The following SUSD4 variants were observed in gnomAD, a reference collection of about 807,000 sequenced individuals.
SUSD4 encodes the protein sushi domain containing 4.
A neutral mutation model predicts 50.5 loss-of-function variants in SUSD4; 41 were observed. The ratio of observed to expected loss-of-function variants is 0.81; its 90% CI spans 0.63 to 1.05. SUSD4 has a LOEUF of 1.05. Ranked by LOEUF, SUSD4 falls within the 50% of genes least tolerant of loss-of-function variation. The pLI is 0.00. For synonymous variants in SUSD4, 257 were observed against 257.3 expected (o/e 1.00, Z 0.01); for missense variants, 580 against 634.7 (o/e 0.91, Z 0.93).
intron 3 of SUSD4, among the ~76,000 whole-genome samples, chr1:223,279,692 A>T (rs1028777960): frequency 3.4e-4 from 52 of 152,336 alleles, no homozygotes; most frequent in Admixed American, 2.0e-3. Flanking sequence ...GAACTTCCCC[A>T]TTCTAGCAAG....
rs916390610 is a variant in SUSD4 at position 223,223,128 on chromosome 1, G to A, written c.1444+121C>T. On this transcript the variant is annotated intron_variant, in intron 8 of 8. Transcript: ENST00000366878. Reference sequence around the variant, plus strand: ...ATGAAGCAATTTAAGCTGAGTGAGAGGTAAACAGATTGATTCGACTCTGTG... The same window carrying A: ...ATGAAGCAATTTAAGCTGAGTGAGAAGTAAACAGATTGATTCGACTCTGTG... The A allele has an allele frequency of 3.6e-6, 5 of 1,380,298 alleles. No individual in the cohort carries two copies. The East Asian group carries it at 1.2e-4, about 34-fold the overall frequency. 85.5% of individuals were successfully genotyped at this position (1,380,298 alleles called of 1,614,324 possible).
chr1:223,265,678 C>T (rs1018287217), intron 4 of SUSD4, among the ~76,000 whole-genome samples: 4 of 152,192 alleles, frequency 2.6e-5, no homozygotes, highest in Admixed American at 2.6e-4. Context: ...AAACACTAAG[C>T]AGCCTGTTTG....
In SUSD4 at chr1:223,347,596, T is replaced by C. The variant is rs528011036; in HGVS notation, c.148+15682A>G. The stretch of plus-strand genomic sequence containing the variant: ...ACTATTGGGGGATCAGTAGATCCCC[T>C]ATAGAAGCTGACATAGAGTGCCTTA... On this transcript the variant is annotated intron_variant, in intron 2 of 8. Coordinates refer to ENST00000366878, the MANE Select transcript of SUSD4 (RefSeq NM_017982.4). Among the ~76,000 whole-genome samples, 8 of 152,164 alleles carry C rather than the reference T, an allele frequency of 5.3e-5. No individual in the cohort carries two copies. In the South Asian group the frequency reaches 1.7e-3, roughly 32 times the overall value.
chr1:223,353,052 G>A (rs1668453869), intron 2 of SUSD4, among the ~76,000 whole-genome samples: 1 of 152,144 alleles, frequency 6.6e-6, no homozygotes, highest in Admixed American at 6.5e-5. Context: ...CACACAAAAG[G>A]AGCTGACCGG....
intron 3 of SUSD4, among the ~76,000 whole-genome samples, chr1:223,281,938 G>A (rs915628881): frequency 9.9e-5 from 15 of 152,160 alleles, no homozygotes; most frequent in East Asian, 9.7e-4. Context: ...TTCAACATAC[G>A]CAAATCAATA....
At chr1:223,246,208 C>G (rs967537797) in intron 5 of SUSD4, among the ~76,000 whole-genome samples, 2 of 152,096 alleles carry the variant, frequency 1.3e-5, no homozygotes, top group Admixed American at 1.3e-4. Flanking sequence ...ATCATGGAAG[C>G]CGCGAGGGGA....
intron 5 of SUSD4, among the ~76,000 whole-genome samples, chr1:223,245,509 C>T (rs1220833369): frequency 1.3e-5 from 2 of 151,982 alleles, no homozygotes. Context: ...GTGCAGGAGA[C>T]AGAGGGCTAC....
intron 5 of SUSD4, among the ~76,000 whole-genome samples, chr1:223,259,470 T>G (rs1244313457): frequency 1.3e-5 from 2 of 152,220 alleles, no homozygotes; most frequent in African/African-American, 4.8e-5. Context: ...CTTCTGACCC[T>G]TGCAACCTGT....
intron 5 of SUSD4, among the ~76,000 whole-genome samples, chr1:223,255,713 C>A (rs1661639633): frequency 6.6e-6 from 1 of 152,174 alleles, no homozygotes; most frequent in African/African-American, 2.4e-5. Flanking sequence ...AGCCCTCCCT[C>A]TACTGTCCCA....
chr1:223,279,745 A>G (rs566264232), intron 3 of SUSD4, among the ~76,000 whole-genome samples: 2 of 152,308 alleles, frequency 1.3e-5, no homozygotes, highest in East Asian at 3.9e-4. Context: ...GAATGCCACA[A>G]AGATACTCCT....
rs919895469 is a variant in SUSD4 at position 223,346,334 on chromosome 1, T to C, written c.148+16944A>G. On this transcript the variant is annotated intron_variant, in intron 2 of 8. Transcript: ENST00000366878. ...TGAGGAATCAATAAGAAGAAAATAG[T>C]TTTCAAAGATTAGGAAATTCATTTT... is the stretch of plus-strand genomic sequence containing the variant. 6.6e-5 allele frequency among the ~76,000 whole-genome samples: 10 copies of C among 152,194 alleles called. No individual in the cohort carries two copies. In the South Asian group the frequency reaches 1.0e-3, roughly 16 times the overall value.
intron 3 of SUSD4, among the ~76,000 whole-genome samples, chr1:223,269,014 G>A (rs1033072688): frequency 6.6e-6 from 1 of 152,204 alleles, no homozygotes; most frequent in Non-Finnish European, 1.5e-5. Context: ...GGATTAGCCT[G>A]AACTACCTGG....
chr1:223,237,505 C>T (rs1043552831), intron 5 of SUSD4, among the ~76,000 whole-genome samples: 22 of 151,910 alleles, frequency 1.4e-4, no homozygotes, highest in Non-Finnish European at 2.7e-4. Context: ...ATTCTTTATA[C>T]GGTTGAGGAT....
At chr1:223,245,189 A>G (rs1660834928) in intron 5 of SUSD4, among the ~76,000 whole-genome samples, 1 of 151,724 alleles carries the variant, frequency 6.6e-6, no homozygotes, top group African/African-American at 2.4e-5. Context: ...CAATTTGACT[A>G]CAGTTGAATC....
rs1330062347 is a variant in SUSD4, at chr1:223,227,758, G to T, written c.917-20C>A. ...TTTGCTCTGCATGAGGGAGAACAAA[G>T]CTGTACGTGAGGCTCCCAGACCATG... On this transcript the variant is annotated intron_variant, in intron 6 of 8. Coordinates refer to ENST00000366878, the MANE Select transcript of SUSD4 (RefSeq NM_017982.4). The surrounding 1 kb of genome is among the most constrained non-coding windows in gnomAD (Gnocchi z 4.5). The T allele has an allele frequency of 4.4e-6, 7 of 1,596,602 alleles. No homozygotes were observed. In the East Asian group the frequency reaches 1.4e-4, roughly 31 times the overall value.
Position 223,227,605 on chromosome 1 carries a change from GTGGGCCT to G in SUSD4, c.1043_1049del (p.Lys348ThrfsTer20), listed in dbSNP as rs1488176719. On this transcript the variant is annotated frameshift_variant, in exon 7 of 9. Transcript: ENST00000366878. LOFTEE classifies it high-confidence loss of function. This position sits in a 1 kb window ranked among gnomAD's most constrained non-coding sequence, Gnocchi z 4.5. Reference sequence around the variant, plus strand: ...GACATGACACTGACCTGGGGGGAAAGTGGGCCTTGAACTTGGTCTGGAACATCCTGGC... The same window carrying G: ...GACATGACACTGACCTGGGGGGAAAGTGAACTTGGTCTGGAACATCCTGGC... 1 of 1,613,840 alleles carries G rather than the reference GTGGGCCT, an allele frequency of 6.2e-7. No individual in the cohort carries two copies. The highest frequency in any genetic ancestry group is 1.1e-5 in the South Asian group (1 of 90,990).
intron 2 of SUSD4, among the ~76,000 whole-genome samples, chr1:223,305,100 C>G (rs530247876): frequency 6.6e-6 from 1 of 151,984 alleles, no homozygotes; most frequent in East Asian, 1.9e-4. Context: ...AGCTATGAAA[C>G]AGTTGATGGT....
chr1:223,227,770 G>C lies in SUSD4; in HGVS notation c.917-32C>G. The C allele has an allele frequency of 6.3e-7, 1 of 1,581,126 alleles. No homozygotes were observed. Among genetic ancestry groups the C allele is most frequent in the Non-Finnish European group, 8.6e-7 (1 of 1,159,056 alleles). On this transcript the variant is annotated intron_variant, in intron 6 of 8. Coordinates refer to ENST00000366878, the MANE Select transcript of SUSD4 (RefSeq NM_017982.4). The surrounding 1 kb of genome is among the most constrained non-coding windows in gnomAD (Gnocchi z 4.5). ...GAGGGAGAACAAAGCTGTACGTGAG[G>C]CTCCCAGACCATGAGAGGTGCCGAG...
chr1:223,305,936 G>T (rs1198108012), intron 2 of SUSD4, among the ~76,000 whole-genome samples: 1 of 152,164 alleles, frequency 6.6e-6, no homozygotes, highest in Non-Finnish European at 1.5e-5. Context: ...AATCAAATTA[G>T]GTAACTCTTG....
Sources: allele counts gnomAD v4.1 joint callset (sites outside exome capture counted in the v4.1 genomes callset), GRCh38; gene constraint gnomAD v4.1.1; non-coding constraint Gnocchi (gnomAD v3.1); transcripts MANE v1.5; gene names NCBI Gene and HGNC (gene_info 2026-07-23, HGNC 2026-07-21).